TRIO: variants seen among roughly 807,000 people sequenced by gnomAD.
The protein encoded by TRIO is triple functional domain protein.
In TRIO, 58 loss-of-function variants were observed where a neutral mutation model predicts 351.9. The observed-to-expected ratio is 0.16, with a 90% CI of 0.13 to 0.21. TRIO has a LOEUF of 0.21. Among genes scored for constraint, TRIO ranks in the 10% least tolerant of loss-of-function variants. The pLI, the probability that TRIO is intolerant of heterozygous loss-of-function variation, is 1.00. For synonymous variants in TRIO, 1,758 were observed against 1,595.7 expected (o/e 1.10, Z -2.42); for missense variants, 3,201 against 4,027.8 (o/e 0.79, Z 5.56).
chr5:14,286,741 G>A lies in TRIO; in HGVS notation c.348-130G>A, dbSNP rs1736476191. The A allele has an allele frequency of 1.1e-6, 1 of 891,892 alleles. No homozygotes were observed. Among genetic ancestry groups the A allele is most frequent in the Admixed American group, 2.7e-5 (1 of 37,356 alleles). 55.2% of individuals were successfully genotyped at this position (891,892 alleles called of 1,614,324 possible). ...GACGAGAAGGAGCTGAGCACAGTGT[G>A]CTCCTTCCCCTGCCTCCGCACGTGT... On this transcript the variant is annotated intron_variant, in intron 3 of 56. Coordinates refer to ENST00000344204, the MANE Select transcript of TRIO (RefSeq NM_007118.4). The surrounding 1 kb of genome is among the most constrained non-coding windows in gnomAD (Gnocchi z 4.4).
At chr5:14,212,692 CAA>C (rs945135373) in intron 1 of TRIO, among the ~76,000 whole-genome samples, 1 of 152,086 alleles carries the variant, frequency 6.6e-6, no homozygotes, top group African/African-American at 2.4e-5. Context: ...GAGAACAAAG[CAA>C]ATTACCCTAT....
intron 1 of TRIO, among the ~76,000 whole-genome samples, chr5:14,248,145 T>A (rs1794544470): frequency 6.6e-6 from 1 of 152,134 alleles, no homozygotes; most frequent in Non-Finnish European, 1.5e-5. Context: ...GTGGGATGTT[T>A]CAATGGGTCT....
chr5:14,341,204 T>A (rs1741911878), intron 11 of TRIO, among the ~76,000 whole-genome samples: 1 of 152,260 alleles, frequency 6.6e-6, no homozygotes, highest in Non-Finnish European at 1.5e-5. Flanking sequence ...CTGTTGATAA[T>A]GCTCCTGCTA....
intron 53 of TRIO, among the ~76,000 whole-genome samples, chr5:14,501,672 G>A (rs563033914): frequency 2.0e-4 from 31 of 152,244 alleles, no homozygotes; most frequent in African/African-American, 6.5e-4. Context: ...TTAAGGAAAC[G>A]CATTCCCAGT....
At position 14,427,397 on chromosome 5, in the gene TRIO, G is replaced by A. The variant is rs572886010; in HGVS notation, c.5203+7376G>A. Among the ~76,000 whole-genome samples, 16 of 152,242 alleles carry A rather than the reference G, an allele frequency of 1.1e-4. No individual in the cohort carries two copies. In the East Asian group the frequency reaches 3.1e-3, roughly 29 times the overall value. On this transcript the variant is annotated intron_variant, in intron 34 of 56. Coordinates refer to ENST00000344204, the MANE Select transcript of TRIO (RefSeq NM_007118.4). ...GCAGATGATGGAAGAGAAGACTCCA[G>A]GTTGCCAGGTGTGTCCACTCTCAGG...
intron 30 of TRIO, 121 bp downstream of exon 30, chr5:14,399,191 G>A (rs1747861060): frequency 3.1e-6 from 3 of 957,256 alleles, no homozygotes; most frequent in Non-Finnish European, 4.8e-6. Flanking sequence ...AAATGTTCAA[G>A]TCTGAATTGT....
At chr5:14,239,273 C>T (rs971999041) in intron 1 of TRIO, among the ~76,000 whole-genome samples, 2 of 147,800 alleles carry the variant, frequency 1.4e-5, no homozygotes, top group Non-Finnish European at 2.9e-5. Context: ...AACCTCCCCT[C>T]CCCCCCATTC....
At chr5:14,290,024 A>C (rs1458460208) in intron 4 of TRIO, among the ~76,000 whole-genome samples, 1 of 152,222 alleles carries the variant, frequency 6.6e-6, no homozygotes, top group Non-Finnish European at 1.5e-5. Flanking sequence ...GCTCTGTCAA[A>C]TGAGCCTCTG....
intron 1 of TRIO, among the ~76,000 whole-genome samples, chr5:14,174,716 C>G (rs76152975): frequency 0.013 from 1,920 of 152,266 alleles, 28 homozygotes; most frequent in African/African-American, 0.044. Context: ...GAGGTCAGAT[C>G]GCCAAATAAA....
intron 1 of TRIO, among the ~76,000 whole-genome samples, chr5:14,184,687 G>A (rs1581300144): frequency 6.6e-6 from 1 of 152,120 alleles, no homozygotes; most frequent in Non-Finnish European, 1.5e-5. Flanking sequence ...TAAAACACTT[G>A]TTCTAGTATG....
intron 30 of TRIO, 100 bp downstream of exon 30, chr5:14,399,170 A>G: frequency 8.8e-7 from 1 of 1,132,464 alleles, no homozygotes; most frequent in Non-Finnish European, 1.3e-6. Flanking sequence ...TTAACCTCCC[A>G]ATCTGTCCTG....
chr5:14,275,535 G>C (rs1397777037), intron 2 of TRIO, among the ~76,000 whole-genome samples: 3 of 151,602 alleles, frequency 2.0e-5, no homozygotes, highest in East Asian at 3.9e-4. Context: ...TCTAGTTTTT[G>C]TGTTTGCTTT....
chr5:14,308,323 CCCAT>C (rs368151550), intron 8 of TRIO, among the ~76,000 whole-genome samples: 5 of 147,818 alleles, frequency 3.4e-5, no homozygotes, highest in Admixed American at 6.7e-5. Flanking sequence ...CACCCAACCA[CCCAT>C]CCATCCATCC....
At chr5:14,474,197 A>G in intron 40 of TRIO, 100 bp downstream of exon 40, 1 of 1,154,482 alleles carries the variant, frequency 8.7e-7, no homozygotes, top group Non-Finnish European at 1.3e-6. Flanking sequence ...TCATCGTATT[A>G]CCTGTGTAGC....
intron 21 of TRIO, 70 bp from the exon 22 acceptor site, chr5:14,387,368 G>C (rs997446106): frequency 6.7e-7 from 1 of 1,487,420 alleles, no homozygotes; most frequent in East Asian, 2.3e-5. Context: ...GAGTCAAGTC[G>C]CCACTGTGTT....
intron 3 of TRIO, among the ~76,000 whole-genome samples, chr5:14,284,170 G>A (rs905113917): frequency 6.6e-6 from 1 of 152,168 alleles, no homozygotes; most frequent in Non-Finnish European, 1.5e-5. Flanking sequence ...TTAGGGACCT[G>A]TGTTGAAAGG....
chr5:14,320,493 G>T (rs566024567), intron 9 of TRIO, among the ~76,000 whole-genome samples: 1 of 152,216 alleles, frequency 6.6e-6, no homozygotes, highest in Admixed American at 6.5e-5. Flanking sequence ...CTTCTGCAAA[G>T]CCCCCGTTTC....
At chr5:14,281,217 G>A (rs1041377497) in intron 3 of TRIO, among the ~76,000 whole-genome samples, 2 of 152,140 alleles carry the variant, frequency 1.3e-5, no homozygotes, top group Non-Finnish European at 2.9e-5. Flanking sequence ...AAAGAAAAGA[G>A]GTTTAATTGA....
At chr5:14,242,776 A>T (rs1794203489) in intron 1 of TRIO, among the ~76,000 whole-genome samples, 1 of 152,188 alleles carries the variant, frequency 6.6e-6, no homozygotes, top group South Asian at 2.1e-4. Flanking sequence ...ATGAGGTCTC[A>T]CTGTGTTGTT....
Sources: allele counts gnomAD v4.1 joint callset (sites outside exome capture counted in the v4.1 genomes callset), GRCh38; gene constraint gnomAD v4.1.1; non-coding constraint Gnocchi (gnomAD v3.1); transcripts MANE v1.5; gene names NCBI Gene and HGNC (gene_info 2026-07-23, HGNC 2026-07-21).